Variants in NEGR1 observed in about 807,000 individuals in gnomAD.
The protein encoded by NEGR1 is IgLON family member 4.
In NEGR1, 10 loss-of-function variants were observed where a neutral mutation model predicts 40.9. That is an observed-to-expected ratio of 0.24 (90% CI 0.15 to 0.42). The LOEUF is 0.42. NEGR1 is among the 10% of genes least tolerant of loss of function. The probability of loss-of-function intolerance (pLI) is 1.00; values close to 1 mark genes in which losing one functional copy is unlikely to be tolerated. For missense variants in NEGR1, 352 were observed against 438.9 expected (o/e 0.80, Z 1.77); for synonymous variants, 185 against 166.8 (o/e 1.11, Z -0.84).
intron 3 of NEGR1, among the ~76,000 whole-genome samples, chr1:71,736,166 CTAACTTT>C (rs1655035098): frequency 6.6e-6 from 1 of 152,050 alleles, no homozygotes; most frequent in Non-Finnish European, 1.5e-5. Context: ...ATACTATCTT[CTAACTTT>C]TAAAATTATA....
At chr1:71,429,051 C>A (rs1372634375) in intron 6 of NEGR1, among the ~76,000 whole-genome samples, 1 of 152,120 alleles carries the variant, frequency 6.6e-6, no homozygotes, top group African/African-American at 2.4e-5. Flanking sequence ...AGAAGAAACC[C>A]TGGTATGATA....
chr1:72,089,025 G>C (rs80256085), intron 1 of NEGR1, among the ~76,000 whole-genome samples: 1 of 152,062 alleles, frequency 6.6e-6, no homozygotes, highest in East Asian at 1.9e-4. Flanking sequence ...AGTATTAACA[G>C]AGCCATGCTT....
chr1:71,848,389 G>A (rs755178148), intron 2 of NEGR1, among the ~76,000 whole-genome samples: 9 of 152,146 alleles, frequency 5.9e-5, no homozygotes, highest in Non-Finnish European at 1.0e-4. Context: ...CCTGGCTTCC[G>A]TGCTTCAAAG....
rs151244027 is a variant in NEGR1, at chr1:72,202,969, G to GAA, written c.176+79348_176+79349dup. Among the ~76,000 whole-genome samples the GAA allele has an allele frequency of 4.7e-3, 717 of 151,046 alleles. 5 individuals are homozygous for GAA. Among genetic ancestry groups the GAA allele is most frequent in the African/African-American group, 0.017 (689 of 41,224 alleles). On this transcript the variant is annotated intron_variant, in intron 1 of 6. Coordinates refer to ENST00000357731, the MANE Select transcript of NEGR1 (RefSeq NM_173808.3). ...AGCCCACAGTTGAGACTACTTCTCA[G>GAA]AAAAAAAAATCGTTTTAAATATTAC...
intron 4 of NEGR1, among the ~76,000 whole-genome samples, chr1:71,696,531 T>C (rs1653479446): frequency 6.6e-6 from 1 of 151,792 alleles, no homozygotes; most frequent in Non-Finnish European, 1.5e-5. Flanking sequence ...CTTTCCTTAG[T>C]AGATATATGT....
chr1:72,199,003 AC>A (rs1181663281), intron 1 of NEGR1, among the ~76,000 whole-genome samples: 2 of 152,024 alleles, frequency 1.3e-5, no homozygotes, highest in Admixed American at 1.3e-4. Flanking sequence ...AATTATGAAA[AC>A]AACGTTGGTG....
intron 2 of NEGR1, among the ~76,000 whole-genome samples, chr1:71,813,276 G>A (rs759044429): frequency 7.9e-5 from 12 of 152,164 alleles, no homozygotes; most frequent in Non-Finnish European, 1.5e-4. Flanking sequence ...ACTCTATTCT[G>A]TTCCATTGGT....
intron 2 of NEGR1, among the ~76,000 whole-genome samples, chr1:71,816,311 C>T (rs1055086325): frequency 2.0e-5 from 3 of 152,012 alleles, no homozygotes; most frequent in Non-Finnish European, 4.4e-5. Context: ...GCACTTTTAC[C>T]ATCTTAGCAG....
chr1:71,869,958 C>A (rs1335761545), intron 2 of NEGR1, among the ~76,000 whole-genome samples: 1 of 151,264 alleles, frequency 6.6e-6, no homozygotes, highest in Non-Finnish European at 1.5e-5. Context: ...TGGCTCACTG[C>A]AACCTCCACC....
At position 71,622,987 on chromosome 1, in the gene NEGR1, A is replaced by C. The variant is rs80226321; in HGVS notation, c.668-11841T>G. Reference sequence around the variant, plus strand: ...TGTTACTATGGCCTTCAAAAATCTTAAAAAAGAACATTTAAAAAGTTGATT... The same window carrying C: ...TGTTACTATGGCCTTCAAAAATCTTCAAAAAGAACATTTAAAAAGTTGATT... On this transcript the variant is annotated intron_variant, in intron 4 of 6. Coordinates refer to ENST00000357731, the MANE Select transcript of NEGR1 (RefSeq NM_173808.3). Among the ~76,000 whole-genome samples, 402 of 152,018 alleles carry C rather than the reference A, an allele frequency of 2.6e-3. 16 individuals are homozygous for C. The East Asian group carries it at 0.067, about 25-fold the overall frequency.
In NEGR1 at chr1:71,397,770, A is replaced by G. The variant is rs1224281876; in HGVS notation, c.*9676T>C. On this transcript the variant is annotated 3_prime_UTR_variant, in exon 7 of 7. Transcript: ENST00000357731. ...CATAAGTAATGAGGAGCTGAATGTCACCAAGACAGTGGGGAATATGTCTCC... is the reference window on the plus strand; with the variant it reads ...CATAAGTAATGAGGAGCTGAATGTCGCCAAGACAGTGGGGAATATGTCTCC... 2.6e-5 allele frequency: 4 copies of G among 152,224 alleles called. No individual in the cohort carries two copies. The highest frequency in any genetic ancestry group is 5.9e-5 in the Non-Finnish European group (4 of 68,044). 9.4% of individuals were successfully genotyped at this position (152,224 alleles called of 1,614,324 possible). A position where few individuals can be genotyped will look rare whatever the true frequency, so the allele number is the denominator to read the frequency against.
Position 71,405,104 on chromosome 1 carries a change from A to G in NEGR1, c.*2342T>C, listed in dbSNP as rs995256625. ...TCTCTTCTAACATAAAGGCAAATAC[A>G]TATAGCTACTGAGCTATGACTGTAC... On this transcript the variant is annotated 3_prime_UTR_variant, in exon 7 of 7. Coordinates refer to ENST00000357731, the MANE Select transcript of NEGR1 (RefSeq NM_173808.3). 1 of 152,120 alleles carries G rather than the reference A, an allele frequency of 6.6e-6. No homozygotes were observed. Among genetic ancestry groups the G allele is most frequent in the South Asian group, 2.1e-4 (1 of 4,836 alleles). 9.4% of individuals were successfully genotyped at this position (152,120 alleles called of 1,614,324 possible).
intron 4 of NEGR1, among the ~76,000 whole-genome samples, chr1:71,621,606 A>C (rs1468051968): frequency 6.8e-6 from 1 of 146,520 alleles, no homozygotes; most frequent in East Asian, 1.9e-4. Context: ...AAAAAAACAA[A>C]ATTATTTGGT....
At chr1:71,459,671 C>T (rs1646700261) in intron 6 of NEGR1, among the ~76,000 whole-genome samples, 1 of 152,234 alleles carries the variant, frequency 6.6e-6, no homozygotes, top group African/African-American at 2.4e-5. Flanking sequence ...CATCCACTAA[C>T]ATCCATGCTA....
intron 1 of NEGR1, among the ~76,000 whole-genome samples, chr1:72,080,107 GT>G (rs1647927549): frequency 2.0e-5 from 3 of 151,958 alleles, no homozygotes. Flanking sequence ...TCCCCATGAT[GT>G]TCATATTTTG....
intron 6 of NEGR1, among the ~76,000 whole-genome samples, chr1:71,506,444 C>T (rs1254501604): frequency 6.6e-6 from 1 of 152,136 alleles, no homozygotes; most frequent in African/African-American, 2.4e-5. Flanking sequence ...GCTGCCACAA[C>T]CCTGCTGGTA....
chr1:71,875,870 G>A (rs1250036724), intron 2 of NEGR1, among the ~76,000 whole-genome samples: 2 of 152,012 alleles, frequency 1.3e-5, no homozygotes, highest in African/African-American at 4.8e-5. Flanking sequence ...AAAGTCAGAA[G>A]GAAAAAATGG....
chr1:71,797,431 T>G (rs1657380767), intron 2 of NEGR1, among the ~76,000 whole-genome samples: 1 of 152,164 alleles, frequency 6.6e-6, no homozygotes, highest in Non-Finnish European at 1.5e-5. Flanking sequence ...GCCACAGAAT[T>G]TGCAGTTAGG....
At chr1:71,763,546 A>C (rs1411708062) in intron 3 of NEGR1, among the ~76,000 whole-genome samples, 2 of 152,170 alleles carry the variant, frequency 1.3e-5, no homozygotes, top group Non-Finnish European at 2.9e-5. Context: ...TATCATGTTC[A>C]TCTGTACAAT....
Sources: allele counts gnomAD v4.1 joint callset (sites outside exome capture counted in the v4.1 genomes callset), GRCh38; gene constraint gnomAD v4.1.1; transcripts MANE v1.5; gene names NCBI Gene and HGNC (gene_info 2026-07-23, HGNC 2026-07-21).